PHF24: variants seen among roughly 807,000 people sequenced by gnomAD.
PHF24 encodes the protein PHD finger protein 24, also known as Galpha inhibitory interacting protein.
A neutral mutation model predicts 42.6 loss-of-function variants in PHF24; 25 were observed. The observed-to-expected ratio is 0.59, with a 90% CI of 0.43 to 0.82. PHF24 has a LOEUF of 0.82. Ranked by LOEUF, PHF24 falls within the 40% of genes least tolerant of loss-of-function variation. The pLI is 0.00. For synonymous variants in PHF24, 185 were observed against 204.8 expected (o/e 0.90, Z 0.83); for missense variants, 470 against 538.1 (o/e 0.87, Z 1.25).
the PHF24 span, among the ~76,000 whole-genome samples, chr9:34,677,014 A>G: frequency 6.6e-6 from 1 of 152,228 alleles, no homozygotes; most frequent in African/African-American, 2.4e-5. Context: ...GGGCAGGGAC[A>G]CATTTCCAAA....
At chr9:34,800,532 A>G in the PHF24 span, among the ~76,000 whole-genome samples, 1 of 152,176 alleles carries the variant, frequency 6.6e-6, no homozygotes, top group Non-Finnish European at 1.5e-5. Context: ...CAACCGTCTG[A>G]TCTTCGACAA....
chr9:34,669,160 G>A, the PHF24 span, among the ~76,000 whole-genome samples: 2 of 152,090 alleles, frequency 1.3e-5, no homozygotes, highest in African/African-American at 2.4e-5. Flanking sequence ...GCTGTGCACC[G>A]ACCACCTTTA....
the PHF24 span, among the ~76,000 whole-genome samples, chr9:34,936,122 G>C: frequency 1.3e-5 from 2 of 149,662 alleles, no homozygotes; most frequent in Non-Finnish European, 3.0e-5. Flanking sequence ...ATGCCGAGCC[G>C]AAGCTGGACT....
the PHF24 span, among the ~76,000 whole-genome samples, chr9:34,778,776 A>T: frequency 6.6e-6 from 1 of 152,198 alleles, no homozygotes; most frequent in East Asian, 1.9e-4. Context: ...CCTAAGAGAC[A>T]TCTATAGAAT....
chr9:34,938,194 T>C, the PHF24 span, among the ~76,000 whole-genome samples: 2 of 152,188 alleles, frequency 1.3e-5, no homozygotes, highest in African/African-American at 2.4e-5. Context: ...TAGCATATGG[T>C]CTCTTATAAA....
chr9:34,678,939 A>C, the PHF24 span, among the ~76,000 whole-genome samples: 2 of 152,124 alleles, frequency 1.3e-5, no homozygotes, highest in East Asian at 1.9e-4. Context: ...CCCTTTAGAT[A>C]TGTCTATTCC....
At chr9:34,826,919 C>T in the PHF24 span, among the ~76,000 whole-genome samples, 2 of 152,138 alleles carry the variant, frequency 1.3e-5, no homozygotes, top group South Asian at 2.1e-4. Context: ...TGGATTTATG[C>T]AGGGATTATG....
the PHF24 span, among the ~76,000 whole-genome samples, chr9:34,755,608 G>T: frequency 6.6e-6 from 1 of 151,662 alleles, no homozygotes; most frequent in African/African-American, 2.4e-5. Context: ...TGAGTTCCTT[G>T]TATGTTGCTT....
At chr9:34,960,546 G>T (rs2132852475) in intron 1 of PHF24, among the ~76,000 whole-genome samples, 1 of 152,212 alleles carries the variant, frequency 6.6e-6, no homozygotes, top group Middle Eastern at 3.4e-3. Flanking sequence ...AAATAGGTAG[G>T]CATATATTTA....
the PHF24 span, among the ~76,000 whole-genome samples, chr9:34,783,922 T>C: frequency 1.3e-5 from 2 of 152,234 alleles, no homozygotes; most frequent in African/African-American, 2.4e-5. Context: ...TCATTAAAAC[T>C]TTTCTTAGAC....
chr9:34,891,882 T>C, the PHF24 span, among the ~76,000 whole-genome samples: 1 of 152,198 alleles, frequency 6.6e-6, no homozygotes, highest in Non-Finnish European at 1.5e-5. Flanking sequence ...ACTCCAAGGC[T>C]TTCACTTAGC....
upstream of PHF24, chr9:34,958,255 G>GCCGCCTCCT (rs772771562): frequency 1.3e-5 from 2 of 152,808 alleles, no homozygotes; most frequent in Admixed American, 1.4e-4. This position sits in a 1 kb window ranked among gnomAD's most constrained non-coding sequence, Gnocchi z 4.5. Context: ...CGCCGCCGCC[G>GCCGCCTCCT]CCTCCTCAGC....
the PHF24 span, chr9:34,922,937 C>G: frequency 7.0e-7 from 1 of 1,434,084 alleles, no homozygotes; most frequent in Non-Finnish European, 9.5e-7. Context: ...GATGTTCCAG[C>G]AGTGGTCTCA....
the PHF24 span, among the ~76,000 whole-genome samples, chr9:34,805,931 A>C: frequency 6.6e-6 from 1 of 152,192 alleles, no homozygotes; most frequent in Admixed American, 6.5e-5. Flanking sequence ...ACAAAAGAAA[A>C]CAGTTGGCCC....
the PHF24 span, among the ~76,000 whole-genome samples, chr9:34,803,651 G>A: frequency 3.3e-5 from 5 of 152,234 alleles, no homozygotes; most frequent in East Asian, 7.7e-4. Flanking sequence ...TATTCTAAGC[G>A]CCTTCCTTGA....
the PHF24 span, among the ~76,000 whole-genome samples, chr9:34,775,735 A>G: frequency 2.0e-5 from 3 of 152,184 alleles, no homozygotes; most frequent in African/African-American, 7.2e-5. Context: ...GGACTCAGCA[A>G]TTCCATTCCT....
At chr9:34,711,033 C>T in the PHF24 span, among the ~76,000 whole-genome samples, 279 of 152,276 alleles carry the variant, frequency 1.8e-3, no homozygotes, top group Non-Finnish European at 3.2e-3. Flanking sequence ...TGATAACAAC[C>T]TAGTTTGAAT....
chr9:34,766,260 T>C, the PHF24 span, among the ~76,000 whole-genome samples: 2 of 152,396 alleles, frequency 1.3e-5, no homozygotes, highest in South Asian at 4.1e-4. Context: ...CTTGCTAGAT[T>C]GGAGAAGTTC....
At chr9:34,786,950 C>A in the PHF24 span, among the ~76,000 whole-genome samples, 1 of 151,644 alleles carries the variant, frequency 6.6e-6, no homozygotes, top group Admixed American at 6.6e-5. Flanking sequence ...CAACAGAAGG[C>A]CAGAGTGCTG....
Sources: gnomAD v4.1 joint callset for allele counts (sites outside exome capture counted in the v4.1 genomes callset) on GRCh38, gnomAD v4.1.1 for gene constraint, Gnocchi (gnomAD v3.1) non-coding constraint, MANE v1.5 for transcripts, NCBI Gene and HGNC (gene_info 2026-07-23, HGNC 2026-07-21) for gene names.